Variants in SLC12A7 observed in about 807,000 individuals in gnomAD.
The protein encoded by SLC12A7 is K-Cl cotransporter 4.
Under a neutral mutation model 120.6 loss-of-function variants are expected in SLC12A7, and 100 were observed. The observed-to-expected ratio is 0.83, with a 90% CI of 0.71 to 0.98. The LOEUF (loss-of-function observed/expected upper bound fraction) is 0.98. Ranked by LOEUF, SLC12A7 falls within the 50% of genes least tolerant of loss-of-function variation. The pLI is 0.00. For synonymous variants in SLC12A7, 760 were observed against 678.0 expected, an observed-to-expected ratio of 1.12 and a Z score of -1.88; for missense variants, 1,373 against 1,548.1, an observed-to-expected ratio of 0.89 and a Z score of 1.90.
At chr5:1,061,637 G>T (rs867626682) in intron 20 of SLC12A7, among the ~76,000 whole-genome samples, 59 of 152,360 alleles carry the variant, frequency 3.9e-4, no homozygotes, top group African/African-American at 1.4e-3. Context: ...AGCTGTGCCT[G>T]TTAAGCACCA....
chr5:1,052,462 CAG>C lies in SLC12A7; in HGVS notation c.3161-13_3161-12del, dbSNP rs1161730873. 5.0e-6 allele frequency: 8 copies of C among 1,606,882 alleles called. No individual in the cohort carries two copies. The highest frequency in any genetic ancestry group is 6.8e-6 in the Non-Finnish European group (8 of 1,174,678). On this transcript the variant is annotated splice_polypyrimidine_tract_variant and intron_variant, in intron 23 of 23. Transcript: ENST00000264930. ...CAAGAAACTCCATGTCTGTGGTCAA[CAG>C]AGTTAAGGCCACAGCTGATCTTACC...
chr5:1,154,407 C>T, the SLC12A7 span, among the ~76,000 whole-genome samples: 2 of 147,600 alleles, frequency 1.4e-5, no homozygotes, highest in East Asian at 2.0e-4. Context: ...ACATACAATG[C>T]ACCACACACA....
At chr5:1,058,904 G>A (rs1735901366) in intron 21 of SLC12A7, among the ~76,000 whole-genome samples, 1 of 151,722 alleles carries the variant, frequency 6.6e-6, no homozygotes. Flanking sequence ...CTTCTGCAGA[G>A]CGGTGACACC....
At chr5:1,103,734 G>A (rs900293500) in intron 1 of SLC12A7, among the ~76,000 whole-genome samples, 7 of 152,244 alleles carry the variant, frequency 4.6e-5, no homozygotes, top group Non-Finnish European at 7.3e-5. Flanking sequence ...CACGACCCAC[G>A]GGGCGGGGTG....
chr5:1,092,157 A>G (rs1445552541), intron 3 of SLC12A7, among the ~76,000 whole-genome samples: 2 of 152,268 alleles, frequency 1.3e-5, no homozygotes, highest in African/African-American at 2.4e-5. Flanking sequence ...AATGTCTTCA[A>G]GTATTTTGGA....
the SLC12A7 span, among the ~76,000 whole-genome samples, chr5:1,138,218 C>G: frequency 1.3e-5 from 2 of 152,138 alleles, no homozygotes; most frequent in East Asian, 1.9e-4. Context: ...AAACCTTCCA[C>G]ATCATTGAAA....
the SLC12A7 span, among the ~76,000 whole-genome samples, chr5:1,148,368 G>A: frequency 8.6e-5 from 13 of 151,862 alleles, no homozygotes; most frequent in Admixed American, 6.6e-4. Flanking sequence ...CACCACGCCC[G>A]GCTAATTTTT....
intron 8 of SLC12A7, among the ~76,000 whole-genome samples, chr5:1,083,118 G>A (rs1317304599): frequency 6.6e-6 from 1 of 150,654 alleles, no homozygotes; most frequent in Admixed American, 6.6e-5. Context: ...GAAAGTCCGG[G>A]CTTCCCCATC....
intron 19 of SLC12A7, 36 bp downstream of exon 19, chr5:1,064,046 CG>C (rs778911381): frequency 5.3e-5 from 85 of 1,600,148 alleles, no homozygotes; most frequent in Non-Finnish European, 6.0e-6. Context: ...GTGGGGTGGC[CG>C]TGCTCCGGCT....
At chr5:1,090,203 G>T (rs1740339460) in intron 3 of SLC12A7, among the ~76,000 whole-genome samples, 1 of 152,226 alleles carries the variant, frequency 6.6e-6, no homozygotes, top group Non-Finnish European at 1.5e-5. Flanking sequence ...AGCAAACAGG[G>T]TGGCTTCTGG....
At chr5:1,084,766 C>A (rs56368002) in intron 7 of SLC12A7, among the ~76,000 whole-genome samples, 12 of 152,172 alleles carry the variant, frequency 7.9e-5, no homozygotes, top group African/African-American at 2.9e-4. Context: ...CTTTCTGGAC[C>A]TGCTCCCTGC....
intron 1 of SLC12A7, among the ~76,000 whole-genome samples, chr5:1,111,171 G>A (rs532273796): frequency 4.5e-4 from 69 of 152,332 alleles, no homozygotes; most frequent in African/African-American, 1.1e-3. Context: ...GAGATCCGGG[G>A]AGTAACTGGG....
chr5:1,078,429 C>T, intron 11 of SLC12A7: 2 of 576,114 alleles, frequency 3.5e-6, no homozygotes, highest in Non-Finnish European at 6.2e-6. Flanking sequence ...CCAAGCCTCA[C>T]CCGTCCACAC....
At chr5:1,094,418 T>C (rs1740875480) in intron 1 of SLC12A7, among the ~76,000 whole-genome samples, 170 bp from the exon 2 acceptor site, 1 of 152,112 alleles carries the variant, frequency 6.6e-6, no homozygotes, top group African/African-American at 2.4e-5. Context: ...CACATCTGTG[T>C]TCCAAAGAAA....
At chr5:1,096,112 A>G (rs1741107082) in intron 1 of SLC12A7, among the ~76,000 whole-genome samples, 1 of 152,220 alleles carries the variant, frequency 6.6e-6, no homozygotes. Flanking sequence ...CTCGTGTGTG[A>G]TCATTAACTC....
chr5:1,124,687 C>A, the SLC12A7 span, among the ~76,000 whole-genome samples: 1 of 152,160 alleles, frequency 6.6e-6, no homozygotes, highest in Non-Finnish European at 1.5e-5. Context: ...CTGATCGCAG[C>A]AGACCTGGAC....
rs544446547 is a variant in SLC12A7 at position 1,058,107 on chromosome 5, A to G, written c.2848-458T>C. The stretch of plus-strand genomic sequence containing the variant: ...GGAAGCAGGCTGTGTCTGACCAGCC[A>G]GGGGACGTTTGGGGGCCGGCCAGGC... On this transcript the variant is annotated intron_variant, in intron 21 of 23. Transcript: ENST00000264930. 2.5e-4 allele frequency among the ~76,000 whole-genome samples: 38 copies of G among 152,304 alleles called. 1 individual carries two copies. In the South Asian group the frequency reaches 3.1e-3, roughly 12 times the overall value.
chr5:1,060,739 C>T (rs1173949598), intron 20 of SLC12A7, among the ~76,000 whole-genome samples: 1 of 152,224 alleles, frequency 6.6e-6, no homozygotes. Flanking sequence ...CACAAACCAA[C>T]CTGGCACACA....
chr5:1,145,800 A>C, the SLC12A7 span, among the ~76,000 whole-genome samples: 10 of 152,012 alleles, frequency 6.6e-5, no homozygotes, highest in Non-Finnish European at 1.5e-5. This position sits in a 1 kb window ranked among gnomAD's most constrained non-coding sequence, Gnocchi z 4.4. Context: ...GGGAGGGTTT[A>C]GTTTATCTCT....
Sources: gnomAD v4.1 joint callset for allele counts (sites outside exome capture counted in the v4.1 genomes callset) on GRCh38, gnomAD v4.1.1 for gene constraint, Gnocchi (gnomAD v3.1) non-coding constraint, MANE v1.5 for transcripts, NCBI Gene and HGNC (gene_info 2026-07-23, HGNC 2026-07-21) for gene names.